Variants in MYBL2 observed in about 807,000 individuals in gnomAD.
MYBL2 encodes MYB proto-oncogene like 2.
In MYBL2, 28 loss-of-function variants were observed where a neutral mutation model predicts 79.9. The ratio of observed to expected loss-of-function variants is 0.35; its 90% CI spans 0.26 to 0.48. The LOEUF is 0.48. Ranked by LOEUF, MYBL2 falls within the 20% of genes least tolerant of loss-of-function variation. The probability of loss-of-function intolerance (pLI) is 0.99; values close to 1 mark genes in which losing one functional copy is unlikely to be tolerated. For synonymous variants in MYBL2, 378 were observed against 361.2 expected (o/e 1.05, Z -0.53); for missense variants, 735 against 893.9 (o/e 0.82, Z 2.27).
chr20:43,709,810 C>T (rs1474280540), intron 9 of MYBL2, among the ~76,000 whole-genome samples, 153 bp from the exon 10 acceptor site: 4 of 152,208 alleles, frequency 2.6e-5, no homozygotes. Context: ...TCCCCCGAGC[C>T]CCTGACTTGG....
At chr20:43,693,292 A>G (rs960502026) in intron 6 of MYBL2, among the ~76,000 whole-genome samples, 1 of 152,174 alleles carries the variant, frequency 6.6e-6, no homozygotes. Context: ...TTGGCCTCCC[A>G]AAGTGTTGGG....
At chr20:43,682,740 C>A in intron 3 of MYBL2, 54 bp from the exon 4 acceptor site, 1 of 1,566,740 alleles carries the variant, frequency 6.4e-7, no homozygotes, top group Non-Finnish European at 8.8e-7. Context: ...AGGCCCCCAG[C>A]CCGAGGTCCC....
At chr20:43,689,945 A>T (rs981675885) in intron 5 of MYBL2, among the ~76,000 whole-genome samples, 1 of 152,064 alleles carries the variant, frequency 6.6e-6, no homozygotes, top group African/African-American at 2.4e-5. Context: ...GTGACTCAAG[A>T]GTTTCAGGTA....
chr20:43,676,448 G>A (rs968983942), intron 2 of MYBL2, among the ~76,000 whole-genome samples: 11 of 152,104 alleles, frequency 7.2e-5, no homozygotes, highest in Admixed American at 5.2e-4. Flanking sequence ...GAAATCATAC[G>A]GTTACATTCT....
chr20:43,672,688 A>G (rs1263600349), intron 1 of MYBL2, among the ~76,000 whole-genome samples: 1 of 152,196 alleles, frequency 6.6e-6, no homozygotes, highest in Non-Finnish European at 1.5e-5. Flanking sequence ...TGGAGGCTGC[A>G]GTGAGCTGTG....
At chr20:43,701,109 A>G (rs961002588) in intron 7 of MYBL2, among the ~76,000 whole-genome samples, 2 of 152,198 alleles carry the variant, frequency 1.3e-5, no homozygotes, top group African/African-American at 4.8e-5. Context: ...AGACTTGGCC[A>G]GGTTCACACA....
At chr20:43,690,151 C>T (rs1033135619) in intron 5 of MYBL2, among the ~76,000 whole-genome samples, 5 of 151,172 alleles carry the variant, frequency 3.3e-5, no homozygotes, top group Non-Finnish European at 7.4e-5. Flanking sequence ...TTGGGGAACT[C>T]CTGGGGCATC....
chr20:43,705,482 T>G, intron 9 of MYBL2, 124 bp downstream of exon 9: 2 of 1,156,726 alleles, frequency 1.7e-6, no homozygotes, highest in Admixed American at 3.9e-5. Context: ...GAAGACTGTT[T>G]TAAGAAAGCC....
intron 7 of MYBL2, among the ~76,000 whole-genome samples, chr20:43,701,185 A>C (rs1489848844): frequency 6.6e-6 from 1 of 152,158 alleles, no homozygotes; most frequent in Non-Finnish European, 1.5e-5. Flanking sequence ...CTCTTTCCAC[A>C]ATGACCTTCA....
chr20:43,670,419 C>G (rs1986828708), intron 1 of MYBL2, among the ~76,000 whole-genome samples: 1 of 152,164 alleles, frequency 6.6e-6, no homozygotes, highest in South Asian at 2.1e-4. Context: ...CCCTCCTTTC[C>G]TATTTCTGAA....
intron 3 of MYBL2, 52 bp from the exon 4 acceptor site, chr20:43,682,742 C>T: frequency 1.1e-5 from 18 of 1,575,750 alleles, no homozygotes; most frequent in Non-Finnish European, 1.6e-5. Context: ...GCCCCCAGCC[C>T]GAGGTCCCAG....
At chr20:43,685,781 T>G (rs2145717130) in intron 4 of MYBL2, among the ~76,000 whole-genome samples, 1 of 151,410 alleles carries the variant, frequency 6.6e-6, no homozygotes, top group South Asian at 2.1e-4. Context: ...CTCACGCCTA[T>G]AATCCCAGCA....
intron 12 of MYBL2, among the ~76,000 whole-genome samples, chr20:43,714,469 T>C (rs1249023398): frequency 1.3e-5 from 2 of 152,200 alleles, no homozygotes; most frequent in African/African-American, 4.8e-5. Context: ...GCCTGGGGGC[T>C]GCACGGCACC....
chr20:43,704,569 G>T (rs1219625073), intron 8 of MYBL2, among the ~76,000 whole-genome samples: 1 of 152,190 alleles, frequency 6.6e-6, no homozygotes, highest in Non-Finnish European at 1.5e-5. Flanking sequence ...GGTTGCAGAT[G>T]GCTCTCTATT....
At chr20:43,706,092 G>C (rs1987777067) in intron 9 of MYBL2, among the ~76,000 whole-genome samples, 1 of 152,152 alleles carries the variant, frequency 6.6e-6, no homozygotes, top group African/African-American at 2.4e-5. Flanking sequence ...CTCCCAAAAC[G>C]CTGGGATTAC....
chr20:43,685,103 C>T (rs1342662201), intron 4 of MYBL2, among the ~76,000 whole-genome samples: 17 of 147,330 alleles, frequency 1.2e-4, no homozygotes, highest in African/African-American at 3.0e-4. Context: ...GCCGAGATGG[C>T]GCCATTGTAC....
chr20:43,677,037 A>T (rs1031403052), intron 2 of MYBL2, among the ~76,000 whole-genome samples: 4 of 152,112 alleles, frequency 2.6e-5, no homozygotes, highest in Non-Finnish European at 5.9e-5. Context: ...AGCCACCATG[A>T]CTAGCTTGTT....
At chr20:43,713,214 A>G in intron 12 of MYBL2, 108 bp downstream of exon 12, 2 of 424,598 alleles carry the variant, frequency 4.7e-6, no homozygotes, top group East Asian at 1.5e-4. Context: ...CTCTGCAGGG[A>G]GGGGCTATCA....
In MYBL2 at chr20:43,699,777, G is replaced by A. The variant is rs1987638034; in HGVS notation, c.684G>A (p.Trp228Ter). 2 of 1,614,082 alleles carry A rather than the reference G, an allele frequency of 1.2e-6. No individual in the cohort carries two copies. The highest frequency in any genetic ancestry group is 1.7e-6 in the Non-Finnish European group (2 of 1,180,012). The part of the protein sequence containing the change: ...TEGQGSLLTN[W>*]PSVPPTIKEE... ...TACAGGGAAGTCTTCTGACCAACTG[G>A]CCCTCCGTCCCTCCTACCATAAAGG... Residue 228 changes from tryptophan to a stop codon, truncating the protein, a stop_gained, in exon 7 of 14, where the codon TGG becomes TGA. Transcript: ENST00000217026. LOFTEE classifies it high-confidence loss of function.
Sources: allele counts gnomAD v4.1 joint callset (sites outside exome capture counted in the v4.1 genomes callset), GRCh38; gene constraint gnomAD v4.1.1; transcripts MANE v1.5; gene names NCBI Gene and HGNC (gene_info 2026-07-23, HGNC 2026-07-21).